The following CACNA1C variants were observed in gnomAD, a reference collection of about 807,000 sequenced individuals.
CACNA1C encodes the protein calcium voltage-gated channel subunit alpha1 C.
A neutral mutation model predicts 229.0 loss-of-function variants in CACNA1C; 30 were observed. That is an observed-to-expected ratio of 0.13 (90% confidence interval 0.10 to 0.18). The LOEUF is 0.18. Ranked by LOEUF, CACNA1C falls within the 10% of genes least tolerant of loss-of-function variation. The pLI, the probability that CACNA1C is intolerant of heterozygous loss-of-function variation, is 1.00. For missense variants in CACNA1C, 1,658 were observed against 2,845.0 expected, an observed-to-expected ratio of 0.58 and a Z score of 9.49; for synonymous variants, 1,114 against 1,132.5, an observed-to-expected ratio of 0.98 and a Z score of 0.33.
intron 3 of CACNA1C, among the ~76,000 whole-genome samples, chr12:2,289,346 A>T (rs1318138826): frequency 6.6e-6 from 1 of 151,862 alleles, no homozygotes; most frequent in East Asian, 1.9e-4. Context: ...CTGCCTGGGG[A>T]GGGGGTGGAT....
intron 5 of CACNA1C, among the ~76,000 whole-genome samples, chr12:2,466,883 C>T (rs2099554793): frequency 6.6e-6 from 1 of 152,142 alleles, no homozygotes; most frequent in Non-Finnish European, 1.5e-5. Context: ...TCAGCCTCTC[C>T]ACCCCTGTTC....
chr12:2,085,228 A>G (rs1195685489), intron 1 of CACNA1C, among the ~76,000 whole-genome samples: 1 of 152,154 alleles, frequency 6.6e-6, no homozygotes, highest in African/African-American at 2.4e-5. Flanking sequence ...TATTAATCAC[A>G]CTGGTGATGT....
At chr12:2,120,939 A>G (rs756574389) in intron 3 of CACNA1C, among the ~76,000 whole-genome samples, 2 of 152,026 alleles carry the variant, frequency 1.3e-5, no homozygotes, top group Non-Finnish European at 2.9e-5. Flanking sequence ...GCCTTATTTT[A>G]TTGGGAAAGG....
At chr12:2,213,517 T>G (rs1210016378) in intron 3 of CACNA1C, among the ~76,000 whole-genome samples, 3 of 152,304 alleles carry the variant, frequency 2.0e-5, no homozygotes, top group South Asian at 2.1e-4. Flanking sequence ...ACAGCTTTAT[T>G]TTTAGGCTTT....
Position 2,648,526 on chromosome 12 carries a change from A to C in CACNA1C, c.3945+19A>C. On this transcript the variant is annotated intron_variant, in intron 31 of 46. Transcript: ENST00000399655. ...CTCTATGGTAAGACCAACCCTCCCGACCATGCTCCCGGCTTCCGTGTCCCC... is the reference window on the plus strand; with the variant it reads ...CTCTATGGTAAGACCAACCCTCCCGCCCATGCTCCCGGCTTCCGTGTCCCC... The C allele has an allele frequency of 1.9e-6, 3 of 1,613,194 alleles. No individual in the cohort carries two copies. Among genetic ancestry groups the C allele is most frequent in the Non-Finnish European group, 2.5e-6 (3 of 1,179,280 alleles).
In CACNA1C at chr12:2,407,948, G is replaced by A. The variant is rs113548376; in HGVS notation, c.478-41028G>A. On this transcript the variant is annotated intron_variant, in intron 3 of 46. Transcript: ENST00000399655. The stretch of plus-strand genomic sequence containing the variant: ...AGCCAAACACCACAAGAAACACTGC[G>A]GCTTCACCCACTCTTCCCCCAGCAA... 9.4e-4 allele frequency among the ~76,000 whole-genome samples: 143 copies of A among 152,250 alleles called. 1 individual carries two copies. Among genetic ancestry groups the A allele is most frequent in the African/African-American group, 2.9e-3 (121 of 41,540 alleles).
In CACNA1C at chr12:2,181,035, C is replaced by T. The variant is rs373880491; in HGVS notation, c.477+60605C>T. On this transcript the variant is annotated intron_variant, in intron 3 of 46. Coordinates refer to ENST00000399655, the MANE Select transcript of CACNA1C (RefSeq NM_000719.7). This position sits in a 1 kb window ranked among gnomAD's most constrained non-coding sequence, Gnocchi z 4.0. ...CCCTCAAATCTGCACTCCCCTATTACGTGTTTGGGCAACTGAGTTTTGGAA... is the reference window on the plus strand; with the variant it reads ...CCCTCAAATCTGCACTCCCCTATTATGTGTTTGGGCAACTGAGTTTTGGAA... Among the ~76,000 whole-genome samples, 65 of 152,268 alleles carry T rather than the reference C, an allele frequency of 4.3e-4. No homozygotes were observed. Among genetic ancestry groups the T allele is most frequent in the African/African-American group, 1.5e-3 (64 of 41,550 alleles).
At chr12:2,295,749 C>G (rs2093980091) in intron 3 of CACNA1C, among the ~76,000 whole-genome samples, 1 of 152,242 alleles carries the variant, frequency 6.6e-6, no homozygotes, top group Non-Finnish European at 1.5e-5. Context: ...CTTGGCATTA[C>G]TTCCATTTTG....
chr12:2,415,786 C>T (rs2098883996), intron 3 of CACNA1C, among the ~76,000 whole-genome samples: 1 of 152,132 alleles, frequency 6.6e-6, no homozygotes, highest in South Asian at 2.1e-4. Flanking sequence ...GCCTCGTCCC[C>T]CAGCCCCTCT....
rs2059859120 is a variant in CACNA1C at position 2,067,605 on chromosome 12, C to T, written c.49+13994C>T. The stretch of plus-strand genomic sequence containing the variant: ...CAAAGCAGAGAGAGCTCGTGGTGTG[C>T]AGCCCTGAGGTCACGTTTGTGACGT... On this transcript the variant is annotated intron_variant, in intron 1 of 46. Coordinates refer to ENST00000399655, the MANE Select transcript of CACNA1C (RefSeq NM_000719.7). The surrounding 1 kb of genome is among the most constrained non-coding windows in gnomAD (Gnocchi z 5.3). Among the ~76,000 whole-genome samples the T allele has an allele frequency of 6.6e-6, 1 of 152,110 alleles. No individual in the cohort carries two copies. Among genetic ancestry groups the T allele is most frequent in the Admixed American group, 6.5e-5 (1 of 15,278 alleles).
At chr12:2,621,279 C>T (rs1346063847) in intron 29 of CACNA1C, among the ~76,000 whole-genome samples, 2 of 151,834 alleles carry the variant, frequency 1.3e-5, no homozygotes, top group South Asian at 2.1e-4. Context: ...TGAAGAGGCA[C>T]CTGTTTAAAA....
chr12:2,086,264 G>C (rs2067609473), intron 1 of CACNA1C, among the ~76,000 whole-genome samples: 1 of 152,194 alleles, frequency 6.6e-6, no homozygotes, highest in Non-Finnish European at 1.5e-5. Context: ...TGGAGGATTT[G>C]ACAAATCATT....
intron 1 of CACNA1C, among the ~76,000 whole-genome samples, chr12:2,085,145 G>C (rs1477078736): frequency 6.6e-6 from 1 of 152,216 alleles, no homozygotes; most frequent in East Asian, 1.9e-4. Context: ...TCTGTGCATA[G>C]AATCAGTGCA....
At chr12:2,498,002 C>CACA (rs1491106908) in intron 7 of CACNA1C, among the ~76,000 whole-genome samples, 1 of 149,820 alleles carries the variant, frequency 6.7e-6, no homozygotes, top group Admixed American at 6.6e-5. Flanking sequence ...CACACACACA[C>CACA]AACAGCTATT....
chr12:2,538,161 C>T (rs2099860439), intron 9 of CACNA1C, among the ~76,000 whole-genome samples: 1 of 152,170 alleles, frequency 6.6e-6, no homozygotes. Flanking sequence ...ATTTATGCCT[C>T]CTCCCAGTTT....
intron 3 of CACNA1C, among the ~76,000 whole-genome samples, chr12:2,136,860 C>G (rs7974134): frequency 0.023 from 3,470 of 151,536 alleles, 131 homozygotes; most frequent in African/African-American, 0.057. Flanking sequence ...AGATGAGAAT[C>G]TCTGGTTGGG....
chr12:2,620,137 A>G (rs1437550372), intron 29 of CACNA1C, among the ~76,000 whole-genome samples: 1 of 152,220 alleles, frequency 6.6e-6, no homozygotes, highest in African/African-American at 2.4e-5. Flanking sequence ...TAAGACGAAT[A>G]TTATGGCCTC....
At position 2,410,272 on chromosome 12, in the gene CACNA1C, T is replaced by G. The variant is rs147584641; in HGVS notation, c.478-38704T>G. On this transcript the variant is annotated intron_variant, in intron 3 of 46. Transcript: ENST00000399655. The surrounding 1 kb of genome is among the most constrained non-coding windows in gnomAD (Gnocchi z 5.3). The stretch of plus-strand genomic sequence containing the variant: ...CAACGAGCTCGTCGCCGGGCACCGT[T>G]TTAGCAGCCCCACCACCCATTTTTG... Among the ~76,000 whole-genome samples, 1 of 152,222 alleles carries G rather than the reference T, an allele frequency of 6.6e-6. No individual in the cohort carries two copies. The highest frequency in any genetic ancestry group is 1.9e-4 in the East Asian group (1 of 5,146).
chr12:2,572,466 CTTCCTCCTTCTCCTCT>C, intron 13 of CACNA1C, among the ~76,000 whole-genome samples: 1 of 39,016 alleles, frequency 2.6e-5, no homozygotes, highest in Non-Finnish European at 5.0e-5. Context: ...TCCTCCTCCT[CTTCCTCCTTCTCCTCT>C]TCCTCCTCCT....
Sources: gnomAD v4.1 joint callset for allele counts (sites outside exome capture counted in the v4.1 genomes callset) on GRCh38, gnomAD v4.1.1 for gene constraint, Gnocchi (gnomAD v3.1) non-coding constraint, MANE v1.5 for transcripts, NCBI Gene and HGNC (gene_info 2026-07-23, HGNC 2026-07-21) for gene names.